The following ZCCHC2 variants were observed in gnomAD, a reference collection of about 807,000 sequenced individuals.
The protein encoded by ZCCHC2 is zinc finger CCHC domain-containing protein 2.
In ZCCHC2, 39 loss-of-function variants were observed where a neutral mutation model predicts 103.6. The ratio of observed to expected loss-of-function variants is 0.38; its 90% CI spans 0.29 to 0.49. The LOEUF is 0.49. Among genes scored for constraint, ZCCHC2 ranks in the 20% least tolerant of loss-of-function variants. The probability of loss-of-function intolerance (pLI) is 0.96; values close to 1 mark genes in which losing one functional copy is unlikely to be tolerated. For missense variants in ZCCHC2, 1,483 were observed against 1,491.0 expected (o/e 0.99, Z 0.09); for synonymous variants, 687 against 608.9 (o/e 1.13, Z -1.89).
intron 7 of ZCCHC2, chr18:62,560,332 C>T: frequency 2.9e-6 from 1 of 341,070 alleles, no homozygotes; most frequent in Non-Finnish European, 5.3e-6. Flanking sequence ...TAGGGACATG[C>T]TCATATAGAC....
In ZCCHC2 at chr18:62,554,010, T is replaced by C. The variant is rs553519924; in HGVS notation, c.1314-2193T>C. On this transcript the variant is annotated intron_variant, in intron 5 of 13. Transcript: ENST00000269499. Reference sequence around the variant, plus strand: ...AGAAAGACCTTTTCAAAGATATGTTTGAAAATGTATCTGAAATATGTTTCA... The same window carrying C: ...AGAAAGACCTTTTCAAAGATATGTTCGAAAATGTATCTGAAATATGTTTCA... Among the ~76,000 whole-genome samples the C allele has an allele frequency of 2.6e-5, 4 of 152,382 alleles. No homozygotes were observed. The East Asian group carries it at 7.7e-4, about 29-fold the overall frequency.
chr18:62,562,291 C>T (rs769674470), intron 8 of ZCCHC2, among the ~76,000 whole-genome samples: 86 of 152,190 alleles, frequency 5.7e-4, no homozygotes, highest in Admixed American at 1.2e-3. Context: ...TGTGAGCCAC[C>T]GTGCCCAGCC....
At chr18:62,542,063 T>G (rs1007656863) in intron 2 of ZCCHC2, among the ~76,000 whole-genome samples, 1 of 152,190 alleles carries the variant, frequency 6.6e-6, no homozygotes, top group Non-Finnish European at 1.5e-5. Context: ...AATGTAAAAC[T>G]AGATATTTTG....
chr18:62,540,709 A>G (rs1186702623), intron 2 of ZCCHC2, among the ~76,000 whole-genome samples: 1 of 152,138 alleles, frequency 6.6e-6, no homozygotes, highest in Non-Finnish European at 1.5e-5. Context: ...GAACGTAGAG[A>G]TTATATCAAA....
rs1193151940 is a variant in ZCCHC2, at chr18:62,524,109, C to CAGGACGCCGAGA, written c.692_703dup (p.Ala231_Asp234dup). On this transcript the variant is annotated inframe_insertion, in exon 1 of 14. Transcript: ENST00000269499. ...GCGCGGCGAGGACGGCGACGGCGAG[C>CAGGACGCCGAGA]AGGACGCCGAGAAGGACGGCTCAGG... is the stretch of plus-strand genomic sequence containing the variant. The CAGGACGCCGAGA allele has an allele frequency of 2.0e-6, 3 of 1,523,726 alleles. No individual in the cohort carries two copies. The highest frequency in any genetic ancestry group is 4.1e-5 in the Admixed American group (2 of 48,700). 94.4% of individuals were successfully genotyped at this position (1,523,726 alleles called of 1,614,324 possible).
intron 2 of ZCCHC2, among the ~76,000 whole-genome samples, chr18:62,540,743 T>G (rs1915136085): frequency 6.6e-6 from 1 of 152,084 alleles, no homozygotes; most frequent in African/African-American, 2.4e-5. Flanking sequence ...ACTGTAAAGG[T>G]GGTACTGTAG....
rs1455352721 is a variant in ZCCHC2 at position 62,523,571 on chromosome 18, G to GCCT, written c.149_150insTCC (p.Pro50dup). 977 of 958,686 alleles carry GCCT rather than the reference G, an allele frequency of 1.0e-3. 33 individuals are homozygous for GCCT. In the East Asian group the frequency reaches 0.072, roughly 71 times the overall value. The allele number at this position is 958,686 out of a possible 1,614,324, so 59.4% of individuals were successfully genotyped here. ...GCCGCCCCCCGCCGCCGCCGCCGCC[G>GCCT]CCCGCGGGCCCGTCGCGGGGCCCTC... On this transcript the variant is annotated inframe_insertion, in exon 1 of 14. Transcript: ENST00000269499.
chr18:62,582,410 G>A (rs1394512924), downstream of ZCCHC2, among the ~76,000 whole-genome samples: 1 of 152,254 alleles, frequency 6.6e-6, no homozygotes, highest in Non-Finnish European at 1.5e-5. Flanking sequence ...GGGCACAGTG[G>A]CTCACTCCTG....
intron 4 of ZCCHC2, among the ~76,000 whole-genome samples, chr18:62,549,785 G>A (rs61614162): frequency 0.22 from 33,461 of 152,108 alleles, 3,913 homozygotes; most frequent in South Asian, 0.3. Context: ...CACCTCTGGC[G>A]TGTGGTTTTT....
At chr18:62,536,516 A>C (rs1424102448) in intron 1 of ZCCHC2, among the ~76,000 whole-genome samples, 1 of 152,186 alleles carries the variant, frequency 6.6e-6, no homozygotes. Flanking sequence ...ATTCCTCTTT[A>C]TATGATTCCA....
chr18:62,523,448 GA>G lies in ZCCHC2; in HGVS notation c.26del (p.Lys9SerfsTer272). The G allele has an allele frequency of 9.1e-7, 1 of 1,100,816 alleles. No homozygotes were observed. Among genetic ancestry groups the G allele is most frequent in the Admixed American group, 3.7e-5 (1 of 26,890 alleles). 68.2% of individuals were successfully genotyped at this position (1,100,816 alleles called of 1,614,324 possible). A position where few individuals can be genotyped will look rare whatever the true frequency, so the allele number is the denominator to read the frequency against. ...GGATGCTGAGGATGAAGCTGCCGCT[GA>G]AGCCAACGCACCCCGCGGAGCCGCC... MLRMKLPL[K>X]PTHPAEPPPE... On this transcript the variant is annotated frameshift_variant, in exon 1 of 14. Transcript: ENST00000269499. LOFTEE classifies it high-confidence loss of function.
Position 62,574,856 on chromosome 18 carries a change from C to T in ZCCHC2, c.2775C>T (p.Ala925=), listed in dbSNP as rs746569431. The change falls in exon 13 of 14, where the codon GCC becomes GCT. Residue 925 remains alanine, a synonymous_variant. Coordinates refer to ENST00000269499, the MANE Select transcript of ZCCHC2 (RefSeq NM_017742.6). The part of the protein sequence containing the change: ...SYPLPGSPLA[A]GVLPSQNSSV... ...CCTTACCAGGCTCTCCCCTTGCTGC[C>T]GGCGTGTTACCCAGCCAGAACTCCA... 1.1e-5 allele frequency: 18 copies of T among 1,613,770 alleles called. No homozygotes were observed. The highest frequency in any genetic ancestry group is 2.2e-5 in the East Asian group (1 of 44,892).
At chr18:62,555,509 G>A (rs763057397) in intron 5 of ZCCHC2, among the ~76,000 whole-genome samples, 6 of 152,088 alleles carry the variant, frequency 3.9e-5, no homozygotes, top group Non-Finnish European at 5.9e-5. Context: ...GGGAATGCCC[G>A]TTAATACTAC....
At position 62,524,157 on chromosome 18, in the gene ZCCHC2, C is replaced by T. The variant is rs1049969954; in HGVS notation, c.733C>T (p.Pro245Ser). 1 of 1,545,846 alleles carries T rather than the reference C, an allele frequency of 6.5e-7. No individual in the cohort carries two copies. Among genetic ancestry groups the T allele is most frequent in the South Asian group, 1.2e-5 (1 of 83,926 alleles). ...GSGPEGGIVEPRVGGGLGSRA... is the reference protein window; with the variant it reads ...GSGPEGGIVESRVGGGLGSRA... ...AGGCCCGGAAGGCGGCATTGTGGAG[C>T]CCCGGGTCGGCGGCGGGCTTGGCTC... Residue 245 changes from proline to serine, a missense_variant, in exon 1 of 14, where the codon CCC (proline) becomes TCC (serine). By Grantham distance (74) the Pro-to-Ser change is moderately conservative. Coordinates refer to ENST00000269499, the MANE Select transcript of ZCCHC2 (RefSeq NM_017742.6).
chr18:62,546,538 G>C (rs752572461), intron 4 of ZCCHC2, among the ~76,000 whole-genome samples: 3 of 152,184 alleles, frequency 2.0e-5, no homozygotes, highest in Non-Finnish European at 2.9e-5. Context: ...AATTGTGGGC[G>C]AGTTGCAGGA....
At chr18:62,560,553 T>C in intron 7 of ZCCHC2, 34 bp from the exon 8 acceptor site, 1 of 1,591,540 alleles carries the variant, frequency 6.3e-7, no homozygotes, top group Non-Finnish European at 8.6e-7. Context: ...GCTGCAGCAT[T>C]TAGTGTAATA....
intron 1 of ZCCHC2, among the ~76,000 whole-genome samples, chr18:62,539,125 G>A (rs1248679053): frequency 6.6e-6 from 1 of 152,156 alleles, no homozygotes; most frequent in Non-Finnish European, 1.5e-5. Flanking sequence ...CGGTTCACTA[G>A]TGATTGGCTG....
chr18:62,585,721 CAT>C (rs1480655827), exon 15 of ZCCHC2: 3 of 152,234 alleles, frequency 2.0e-5, no homozygotes, highest in African/African-American at 7.2e-5. Flanking sequence ...GGCACACAGA[CAT>C]AAAGCACTCA....
At chr18:62,575,812 A>T (rs1916818204) in intron 13 of ZCCHC2, among the ~76,000 whole-genome samples, 1 of 152,088 alleles carries the variant, frequency 6.6e-6, no homozygotes, top group Non-Finnish European at 1.5e-5. Flanking sequence ...TGTGATGGGA[A>T]TTTGCATTCT....
Sources: gnomAD v4.1 joint callset for allele counts (sites outside exome capture counted in the v4.1 genomes callset) on GRCh38, gnomAD v4.1.1 for gene constraint, MANE v1.5 for transcripts, NCBI Gene and HGNC (gene_info 2026-07-23, HGNC 2026-07-21) for gene names.